The following EXT1 variants were observed in gnomAD, a reference collection of about 807,000 sequenced individuals.
The protein encoded by EXT1 is exostosin-1.
EXT1 carries 20 observed loss-of-function variants against 82.5 expected under a neutral mutation model. The observed-to-expected ratio is 0.24, with a 90% CI of 0.17 to 0.35. EXT1 has a LOEUF of 0.35. Ranked by LOEUF, EXT1 falls within the 10% of genes least tolerant of loss-of-function variation. EXT1 has a pLI of 1.00. For missense variants in EXT1, 757 were observed against 936.5 expected (o/e 0.81, Z 2.50); for synonymous variants, 348 against 350.8 (o/e 0.99, Z 0.09).
At chr8:117,935,386 T>C (rs553920761) in intron 1 of EXT1, among the ~76,000 whole-genome samples, 18 of 150,068 alleles carry the variant, frequency 1.2e-4, no homozygotes, top group African/African-American at 3.2e-4. Context: ...AGTGACATCA[T>C]CATGATTCAC....
intron 1 of EXT1, among the ~76,000 whole-genome samples, chr8:117,916,432 ACCT>A (rs1262922622): frequency 2.0e-5 from 3 of 151,986 alleles, no homozygotes; most frequent in African/African-American, 7.3e-5. Flanking sequence ...ACCCAGCAAG[ACCT>A]CCTCTTTCTT....
intron 1 of EXT1, among the ~76,000 whole-genome samples, chr8:118,011,571 T>C (rs1167403507): frequency 6.6e-6 from 1 of 152,218 alleles, no homozygotes; most frequent in Non-Finnish European, 1.5e-5. Context: ...GAGGTCGGCA[T>C]GACTAATGCT....
intron 1 of EXT1, among the ~76,000 whole-genome samples, chr8:118,041,773 C>T (rs1250592076): frequency 1.3e-5 from 2 of 151,674 alleles, no homozygotes; most frequent in Non-Finnish European, 1.5e-5. Flanking sequence ...ATGGCGAAAC[C>T]CTGTCTCTAC....
At chr8:117,982,118 G>A (rs550069039) in intron 1 of EXT1, among the ~76,000 whole-genome samples, 20 of 152,134 alleles carry the variant, frequency 1.3e-4, no homozygotes, top group Non-Finnish European at 2.6e-4. Context: ...ACAAGTCTGG[G>A]GACATAGTGT....
chr8:117,995,480 G>T (rs1374425209), intron 1 of EXT1, among the ~76,000 whole-genome samples: 3 of 152,160 alleles, frequency 2.0e-5, no homozygotes, highest in African/African-American at 7.2e-5. Context: ...TATGCATGGC[G>T]TGGGTGGGGA....
intron 1 of EXT1, among the ~76,000 whole-genome samples, chr8:118,091,181 A>C (rs1249822584): frequency 6.6e-6 from 1 of 152,234 alleles, no homozygotes; most frequent in Admixed American, 6.5e-5. Flanking sequence ...ACCGAGGCCT[A>C]TCTTAGACAA....
intron 1 of EXT1, among the ~76,000 whole-genome samples, chr8:117,982,382 C>A (rs1483818898): frequency 6.6e-6 from 1 of 152,208 alleles, no homozygotes; most frequent in Non-Finnish European, 1.5e-5. Context: ...TGGACTGACT[C>A]TTTAGCTGGA....
At chr8:118,077,822 A>C (rs1586260294) in intron 1 of EXT1, among the ~76,000 whole-genome samples, 1 of 152,060 alleles carries the variant, frequency 6.6e-6, no homozygotes, top group African/African-American at 2.4e-5. Context: ...CATTAACAAC[A>C]CTTTCACATT....
At chr8:117,887,375 C>T (rs750852474) in intron 1 of EXT1, among the ~76,000 whole-genome samples, 2 of 152,142 alleles carry the variant, frequency 1.3e-5, no homozygotes, top group African/African-American at 2.4e-5. Flanking sequence ...TGCCTTGAGA[C>T]ACAGTCTCAC....
chr8:117,918,727 G>A (rs377766609), intron 1 of EXT1, among the ~76,000 whole-genome samples: 3 of 152,160 alleles, frequency 2.0e-5, no homozygotes, highest in Admixed American at 2.0e-4. Context: ...GCTACCAGCC[G>A]AATGCAGCCA....
intron 1 of EXT1, among the ~76,000 whole-genome samples, chr8:117,939,018 T>C (rs987128583): frequency 2.0e-5 from 3 of 152,090 alleles, no homozygotes; most frequent in African/African-American, 4.8e-5. Flanking sequence ...TACAATCTCA[T>C]GCCCCCTCCT....
intron 1 of EXT1, among the ~76,000 whole-genome samples, chr8:118,045,022 G>A (rs751969358): frequency 1.3e-5 from 2 of 152,192 alleles, no homozygotes; most frequent in Non-Finnish European, 2.9e-5. Flanking sequence ...AAGATAAGAC[G>A]TAAGTCTCAG....
intron 1 of EXT1, among the ~76,000 whole-genome samples, chr8:117,979,070 C>T (rs1426980754): frequency 6.6e-6 from 1 of 152,062 alleles, no homozygotes; most frequent in Non-Finnish European, 1.5e-5. Context: ...AAAGCAAATG[C>T]TCGGCCAGGC....
chr8:117,964,272 A>G (rs908169035), intron 1 of EXT1, among the ~76,000 whole-genome samples: 7 of 152,310 alleles, frequency 4.6e-5, no homozygotes, highest in Admixed American at 4.6e-4. Context: ...TTGTCTGCTA[A>G]GTTTTTATAA....
chr8:118,038,484 C>G (rs911679967), intron 1 of EXT1, among the ~76,000 whole-genome samples: 2 of 152,208 alleles, frequency 1.3e-5, no homozygotes, highest in African/African-American at 4.8e-5. Flanking sequence ...TCTCTGCTAG[C>G]TGACTAATGA....
chr8:118,041,430 G>A (rs1816524237), intron 1 of EXT1, among the ~76,000 whole-genome samples: 1 of 152,044 alleles, frequency 6.6e-6, no homozygotes, highest in Non-Finnish European at 1.5e-5. Context: ...GCAAACAAAT[G>A]GATAAGGTGC....
intron 1 of EXT1, among the ~76,000 whole-genome samples, chr8:117,931,158 T>G (rs1449115123): frequency 6.6e-6 from 1 of 152,232 alleles, no homozygotes; most frequent in Non-Finnish European, 1.5e-5. Flanking sequence ...GGGGCTGCCC[T>G]GCCTTTGGAA....
At chr8:117,984,928 A>C (rs1467506204) in intron 1 of EXT1, among the ~76,000 whole-genome samples, 1 of 152,192 alleles carries the variant, frequency 6.6e-6, no homozygotes, top group Non-Finnish European at 1.5e-5. Flanking sequence ...AGGCTACCAG[A>C]CTTGTAACAC....
chr8:117,926,333 T>TA (rs1248697113), intron 1 of EXT1, among the ~76,000 whole-genome samples: 1 of 152,250 alleles, frequency 6.6e-6, no homozygotes, highest in Admixed American at 6.5e-5. Context: ...CTTTACAGCC[T>TA]ATAATCCTAG....
Sources: allele counts gnomAD v4.1 joint callset (sites outside exome capture counted in the v4.1 genomes callset), GRCh38; gene constraint gnomAD v4.1.1; transcripts MANE v1.5; gene names NCBI Gene and HGNC (gene_info 2026-07-23, HGNC 2026-07-21).